The following IPCEF1 variants were observed in gnomAD, a reference collection of about 807,000 sequenced individuals.
IPCEF1 encodes interactor protein for cytohesin exchange factors 1.
Under a neutral mutation model 50.9 loss-of-function variants are expected in IPCEF1, and 31 were observed. The ratio of observed to expected loss-of-function variants is 0.61; its 90% confidence interval spans 0.46 to 0.82. The LOEUF is 0.82. IPCEF1 is among the 40% of genes least tolerant of loss of function. IPCEF1 has a pLI of 0.00. For missense variants in IPCEF1, 458 were observed against 514.0 expected (o/e 0.89, Z 1.05); for synonymous variants, 181 against 192.0 (o/e 0.94, Z 0.47).
intron 3 of IPCEF1, among the ~76,000 whole-genome samples, chr6:154,264,543 T>C (rs1781703894): frequency 6.6e-6 from 1 of 152,058 alleles, no homozygotes; most frequent in Admixed American, 6.6e-5. Flanking sequence ...CGGCTAATTT[T>C]TGTATTTTTA....
chr6:154,340,423 T>G (rs1783885907), intron 1 of IPCEF1, among the ~76,000 whole-genome samples: 1 of 151,942 alleles, frequency 6.6e-6, no homozygotes, highest in African/African-American at 2.4e-5. Flanking sequence ...AGTTAATTTT[T>G]GTGTTTTTAG....
intron 1 of IPCEF1, among the ~76,000 whole-genome samples, chr6:154,337,853 C>T (rs983913531): frequency 2.6e-5 from 4 of 152,146 alleles, no homozygotes; most frequent in African/African-American, 9.7e-5. Context: ...TAGAGGACTT[C>T]AGTGACATAT....
At chr6:154,277,194 C>T (rs1782084696) in intron 2 of IPCEF1, among the ~76,000 whole-genome samples, 1 of 152,212 alleles carries the variant, frequency 6.6e-6, no homozygotes. Context: ...TGCTGGAAAC[C>T]ACACAGGCAC....
intron 10 of IPCEF1, among the ~76,000 whole-genome samples, chr6:154,195,147 C>T (rs200145455): frequency 0.013 from 1,612 of 122,876 alleles, 28 homozygotes; most frequent in African/African-American, 0.045. Context: ...TCTTTTCTTT[C>T]TTTTTTTTTT....
chr6:154,234,413 A>G (rs1779955928), intron 5 of IPCEF1, among the ~76,000 whole-genome samples: 2 of 152,060 alleles, frequency 1.3e-5, no homozygotes, highest in Non-Finnish European at 2.9e-5. Flanking sequence ...CTCCTGGATC[A>G]CTTCTCAAGT....
intron 1 of IPCEF1, among the ~76,000 whole-genome samples, chr6:154,305,559 A>G (rs146587603): frequency 6.6e-6 from 1 of 152,270 alleles, no homozygotes; most frequent in Admixed American, 6.5e-5. Flanking sequence ...TTCCTTTTCA[A>G]CCACTGAAAC....
At chr6:154,318,790 A>C (rs1783296622) in intron 1 of IPCEF1, among the ~76,000 whole-genome samples, 1 of 151,798 alleles carries the variant, frequency 6.6e-6, no homozygotes. Context: ...GTCAATAATT[A>C]TTTTTTCCCT....
intron 11 of IPCEF1, among the ~76,000 whole-genome samples, chr6:154,161,570 C>T (rs1799021422): frequency 6.6e-6 from 1 of 152,150 alleles, no homozygotes; most frequent in South Asian, 2.1e-4. Flanking sequence ...GTCCAGGAAA[C>T]CTTCCCTGCA....
chr6:154,322,403 C>CA (rs1554224661), intron 1 of IPCEF1, among the ~76,000 whole-genome samples: 31 of 149,776 alleles, frequency 2.1e-4, no homozygotes, highest in African/African-American at 7.4e-4. Flanking sequence ...CACACACACA[C>CA]CCCTATGTTT....
intron 1 of IPCEF1, among the ~76,000 whole-genome samples, chr6:154,337,711 A>G (rs1783817701): frequency 6.6e-6 from 1 of 152,236 alleles, no homozygotes; most frequent in African/African-American, 2.4e-5. Context: ...GAAAAGTGTT[A>G]AGAAACAAAG....
chr6:154,194,609 C>G (rs776493791), intron 10 of IPCEF1, among the ~76,000 whole-genome samples: 5 of 152,156 alleles, frequency 3.3e-5, no homozygotes, highest in Non-Finnish European at 5.9e-5. Context: ...TCACCATCTC[C>G]CATACCTTTG....
At chr6:154,166,202 G>T (rs1799410441) in intron 11 of IPCEF1, among the ~76,000 whole-genome samples, 1 of 152,230 alleles carries the variant, frequency 6.6e-6, no homozygotes. Context: ...TGACAGAAAA[G>T]CAAAAGCTGC....
At chr6:154,230,327 T>A (rs1452581214) in intron 5 of IPCEF1, among the ~76,000 whole-genome samples, 2 of 152,100 alleles carry the variant, frequency 1.3e-5, no homozygotes, top group Non-Finnish European at 2.9e-5. Context: ...TGGGCGGGGA[T>A]CATATGGGAA....
chr6:154,282,478 C>A (rs1032388977), intron 2 of IPCEF1, among the ~76,000 whole-genome samples: 1 of 152,018 alleles, frequency 6.6e-6, no homozygotes, highest in Non-Finnish European at 1.5e-5. Context: ...GTCAGGAGAT[C>A]GAGACCATCC....
At chr6:154,298,339 T>C (rs148370948) in intron 1 of IPCEF1, among the ~76,000 whole-genome samples, 3 of 152,330 alleles carry the variant, frequency 2.0e-5, no homozygotes, top group African/African-American at 7.2e-5. Flanking sequence ...ACACCCCATT[T>C]TGATGTAACG....
At chr6:154,204,978 T>C (rs1196750605) in intron 9 of IPCEF1, among the ~76,000 whole-genome samples, 6 of 152,192 alleles carry the variant, frequency 3.9e-5, no homozygotes, top group Admixed American at 6.5e-5. Context: ...CTCTGGTCCC[T>C]TCTGCCAGAA....
chr6:154,301,475 G>A (rs1252939544), intron 1 of IPCEF1, among the ~76,000 whole-genome samples: 1 of 152,160 alleles, frequency 6.6e-6, no homozygotes, highest in East Asian at 1.9e-4. Context: ...TCCAGGCTAC[G>A]AAAGCACTTG....
chr6:154,305,637 C>G (rs1280066040), intron 1 of IPCEF1, among the ~76,000 whole-genome samples: 2 of 152,148 alleles, frequency 1.3e-5, no homozygotes, highest in African/African-American at 4.8e-5. Flanking sequence ...AGTATTGTTC[C>G]TGGGTGTGAC....
chr6:154,237,715 T>A (rs1449317754), intron 5 of IPCEF1, among the ~76,000 whole-genome samples: 1 of 152,152 alleles, frequency 6.6e-6, no homozygotes, highest in African/African-American at 2.4e-5. Context: ...CAGGTGCCAT[T>A]TGTCCCTTAT....
Sources: gnomAD v4.1 joint callset for allele counts (sites outside exome capture counted in the v4.1 genomes callset) on GRCh38, gnomAD v4.1.1 for gene constraint, MANE v1.5 for transcripts, NCBI Gene and HGNC (gene_info 2026-07-23, HGNC 2026-07-21) for gene names.